The following CBFA2T2 variants were observed in gnomAD, a reference collection of about 807,000 sequenced individuals.
CBFA2T2 encodes the protein protein CBFA2T2.
Under a neutral mutation model 62.2 loss-of-function variants are expected in CBFA2T2, and 11 were observed. That is an observed-to-expected ratio of 0.18 (90% CI 0.11 to 0.29). The LOEUF is 0.29. Among genes scored for constraint, CBFA2T2 ranks in the 10% least tolerant of loss-of-function variants. CBFA2T2 has a pLI of 1.00. For synonymous variants in CBFA2T2, 295 were observed against 287.5 expected (o/e 1.03, Z -0.27); for missense variants, 592 against 774.1 (o/e 0.76, Z 2.79).
rs2122298250 is a variant in CBFA2T2 at position 33,611,094 on chromosome 20, T to G, written c.179T>G (p.Leu60Ter). 6.2e-7 allele frequency: 1 copy of G among 1,613,826 alleles called. No homozygotes were observed. The highest frequency in any genetic ancestry group is 1.7e-5 in the Admixed American group (1 of 60,016). ...GTCTTTCATTTTGGCTTTCTTTTAG[T>G]AAGCAATGGCATCAACCATTCTCCT... ...PRPVSFTPTA[L>*]SNGINHSPPT... The change falls in exon 3 of 11, where the codon TTA becomes TGA. Residue 60 changes from leucine to a stop codon, truncating the protein, a stop_gained and splice_region_variant. Transcript: ENST00000342704. LOFTEE classifies it high-confidence loss of function.
chr20:33,524,538 A>G (rs1422638805), intron 1 of CBFA2T2, among the ~76,000 whole-genome samples: 1 of 152,180 alleles, frequency 6.6e-6, no homozygotes, highest in Non-Finnish European at 1.5e-5. Flanking sequence ...TGGGCATGCC[A>G]TGAACTTGCA....
chr20:33,552,750 C>T (rs1200382353), intron 1 of CBFA2T2, among the ~76,000 whole-genome samples: 1 of 152,204 alleles, frequency 6.6e-6, no homozygotes, highest in Non-Finnish European at 1.5e-5. Context: ...TTGCTTGTCA[C>T]TCCACTTCAT....
chr20:33,504,548 T>G (rs2011367496), intron 1 of CBFA2T2, among the ~76,000 whole-genome samples: 1 of 151,608 alleles, frequency 6.6e-6, no homozygotes, highest in Admixed American at 6.6e-5. Context: ...GGATTACAGG[T>G]GTGCACCGCC....
chr20:33,626,851 G>A (rs753366184), intron 6 of CBFA2T2, among the ~76,000 whole-genome samples: 30 of 152,178 alleles, frequency 2.0e-4, no homozygotes, highest in Non-Finnish European at 3.5e-4. Flanking sequence ...TTACTGAGTC[G>A]TAGCTACCAC....
At chr20:33,586,847 A>G (rs1424180010) in intron 1 of CBFA2T2, among the ~76,000 whole-genome samples, 1 of 152,216 alleles carries the variant, frequency 6.6e-6, no homozygotes, top group Non-Finnish European at 1.5e-5. Flanking sequence ...TTTGGAAGCT[A>G]TGAACTTGAG....
At chr20:33,553,560 T>G (rs8120219) in intron 1 of CBFA2T2, among the ~76,000 whole-genome samples, 2 of 152,204 alleles carry the variant, frequency 1.3e-5, no homozygotes, top group Non-Finnish European at 2.9e-5. Flanking sequence ...AAGGGTCATA[T>G]AGTGACCGTT....
chr20:33,492,070 G>A (rs560220035), intron 1 of CBFA2T2, among the ~76,000 whole-genome samples: 63 of 152,106 alleles, frequency 4.1e-4, no homozygotes, highest in Middle Eastern at 3.4e-3. Context: ...TTTTAGTAGA[G>A]ACGGTTTTAC....
chr20:33,539,278 A>G (rs893752743), intron 1 of CBFA2T2, among the ~76,000 whole-genome samples: 6 of 152,248 alleles, frequency 3.9e-5, no homozygotes, highest in Non-Finnish European at 7.3e-5. Flanking sequence ...AATCATAGCC[A>G]TGTGCCTGCA....
chr20:33,623,358 T>A, intron 5 of CBFA2T2, 62 bp downstream of exon 5: 5 of 1,570,086 alleles, frequency 3.2e-6, no homozygotes, highest in Non-Finnish European at 4.4e-6. Context: ...CCCCTTTGCT[T>A]ATAAAAGAGA....
chr20:33,587,440 A>G (rs1964823), intron 1 of CBFA2T2, among the ~76,000 whole-genome samples: 84,331 of 151,514 alleles, frequency 0.56, 24,467 homozygotes, highest in East Asian at 0.78. Flanking sequence ...CTAATTTTTC[A>G]TGTTTTTGGT....
intron 1 of CBFA2T2, among the ~76,000 whole-genome samples, chr20:33,561,193 T>A (rs1183127647): frequency 1.3e-5 from 2 of 152,170 alleles, no homozygotes; most frequent in Non-Finnish European, 2.9e-5. Context: ...TTCTTTTCTT[T>A]TTTAAAGATG....
intron 1 of CBFA2T2, among the ~76,000 whole-genome samples, chr20:33,514,222 T>G (rs1161103056): frequency 1.9e-4 from 24 of 125,254 alleles, no homozygotes; most frequent in African/African-American, 6.0e-4. Flanking sequence ...TTTTTTTTTT[T>G]TTTTTTTTTT....
Position 33,590,699 on chromosome 20 carries a change from T to C in CBFA2T2, c.35-16257T>C, listed in dbSNP as rs183203512. ...ATGGATATTGTCCTGTGGCTTCCCA[T>C]AAAGAAAGCTAAATCTTTGCTTCGT... On this transcript the variant is annotated intron_variant, in intron 1 of 10. Transcript: ENST00000342704. Among the ~76,000 whole-genome samples the C allele has an allele frequency of 4.3e-3, 652 of 152,286 alleles. 1 individual carries two copies. The highest frequency in any genetic ancestry group is 0.017 in the Middle Eastern group (5 of 294).
rs146282849 is a variant in CBFA2T2 at position 33,597,482 on chromosome 20, A to G, written c.35-9474A>G. Among the ~76,000 whole-genome samples, 1,122 of 152,310 alleles carry G rather than the reference A, an allele frequency of 7.4e-3. 18 individuals carry two copies. The highest frequency in any genetic ancestry group is 0.026 in the African/African-American group (1,084 of 41,568). On this transcript the variant is annotated intron_variant, in intron 1 of 10. Coordinates refer to ENST00000342704, the MANE Select transcript of CBFA2T2 (RefSeq NM_001032999.3). ...TGACCTGTTAGGAACCGTGTGGCAC[A>G]GCAAGTGGTGAGCCAGTGCATTACC...
At chr20:33,547,192 T>G (rs1011051759) in intron 1 of CBFA2T2, among the ~76,000 whole-genome samples, 4 of 151,688 alleles carry the variant, frequency 2.6e-5, no homozygotes, top group African/African-American at 9.7e-5. Flanking sequence ...AGGGCGAGAC[T>G]CCGTCTCAAA....
intron 1 of CBFA2T2, among the ~76,000 whole-genome samples, chr20:33,580,199 G>A (rs200273215): frequency 2.4e-4 from 37 of 152,162 alleles, no homozygotes; most frequent in Admixed American, 7.9e-4. Context: ...CATTTTAGGC[G>A]TGTAAATTTT....
At chr20:33,494,251 A>G (rs1420412787) in intron 1 of CBFA2T2, among the ~76,000 whole-genome samples, 19 of 63,174 alleles carry the variant, frequency 3.0e-4, no homozygotes, top group African/African-American at 1.2e-3. Flanking sequence ...GTGTATATAT[A>G]TATATATATA....
At chr20:33,590,712 A>G (rs1001411975) in intron 1 of CBFA2T2, among the ~76,000 whole-genome samples, 2 of 152,170 alleles carry the variant, frequency 1.3e-5, no homozygotes, top group Non-Finnish European at 2.9e-5. Context: ...AGAAAGCTAA[A>G]TCTTTGCTTC....
chr20:33,627,331 G>C (rs1181296345), intron 6 of CBFA2T2, among the ~76,000 whole-genome samples: 1 of 152,036 alleles, frequency 6.6e-6, no homozygotes, highest in African/African-American at 2.4e-5. Context: ...TGGGAGGTGG[G>C]GGTTGCAGTG....
Sources: allele counts gnomAD v4.1 joint callset (sites outside exome capture counted in the v4.1 genomes callset), GRCh38; gene constraint gnomAD v4.1.1; transcripts MANE v1.5; gene names NCBI Gene and HGNC (gene_info 2026-07-23, HGNC 2026-07-21).